Variants in VSIG10 observed in about 807,000 individuals in gnomAD.
VSIG10 encodes V-set and immunoglobulin domain-containing protein 10.
A neutral mutation model predicts 58.7 loss-of-function variants in VSIG10; 48 were observed. That is an observed-to-expected ratio of 0.82 (90% CI 0.65 to 1.04). VSIG10 has a LOEUF of 1.04. Ranked by LOEUF, VSIG10 falls within the 50% of genes least tolerant of loss-of-function variation. The probability of loss-of-function intolerance (pLI) is 0.00; values close to 1 mark genes in which losing one functional copy is unlikely to be tolerated. For missense variants in VSIG10, 628 were observed against 670.0 expected, an observed-to-expected ratio of 0.94 and a Z score of 0.69; for synonymous variants, 260 against 267.1, an observed-to-expected ratio of 0.97 and a Z score of 0.26.
At chr12:118,070,882 T>A (rs2032463206) in intron 7 of VSIG10, 170 bp downstream of exon 7, 1 of 771,510 alleles carries the variant, frequency 1.3e-6, no homozygotes, top group South Asian at 1.7e-5. Context: ...CCTGAGGAGA[T>A]GATGAAAGGG....
At chr12:118,080,016 TAGAGACA>T (rs1170329338) in intron 3 of VSIG10, among the ~76,000 whole-genome samples, 11 of 152,344 alleles carry the variant, frequency 7.2e-5, no homozygotes, top group Admixed American at 2.6e-4. Flanking sequence ...ATATTTTTAG[TAGAGACA>T]AGGTTTTGCC....
intron 2 of VSIG10, among the ~76,000 whole-genome samples, chr12:118,085,291 G>A (rs1032156096): frequency 6.6e-6 from 1 of 152,150 alleles, no homozygotes; most frequent in Admixed American, 6.6e-5. Context: ...TTGGACTGAA[G>A]GCCACATCAC....
chr12:118,096,235 C>G (rs891361245), intron 1 of VSIG10, among the ~76,000 whole-genome samples: 1 of 151,328 alleles, frequency 6.6e-6, no homozygotes, highest in African/African-American at 2.4e-5. Flanking sequence ...AAGGTCAAGA[C>G]ATCGAGACCA....
chr12:118,087,856 AGAG>A (rs1399142615), intron 2 of VSIG10, among the ~76,000 whole-genome samples: 1 of 95,660 alleles, frequency 1.0e-5, no homozygotes, highest in African/African-American at 3.1e-5. Context: ...AAAAAAAAAA[AGAG>A]AGAGAAGGAG....
Position 118,071,039 on chromosome 12 carries a change from A to AG in VSIG10, c.1346+12dup, listed in dbSNP as rs1365531889. 1 of 1,601,616 alleles carries AG rather than the reference A, an allele frequency of 6.2e-7. No homozygotes were observed. Among genetic ancestry groups the AG allele is most frequent in the South Asian group, 1.1e-5 (1 of 88,444 alleles). The stretch of plus-strand genomic sequence containing the variant: ...GGGAATGGGTGTTTGGTTTGATTCT[A>AG]GGGAACACTCACCTGGAAGTGTTTC... On this transcript the variant is annotated intron_variant, in intron 7 of 8. Coordinates refer to ENST00000359236, the MANE Select transcript of VSIG10 (RefSeq NM_019086.6).
At chr12:118,103,472 G>A in intron 1 of VSIG10, 121 bp downstream of exon 1, 1 of 1,035,358 alleles carries the variant, frequency 9.7e-7, no homozygotes, top group Non-Finnish European at 1.3e-6. Flanking sequence ...TCCTGGGGCA[G>A]CTTCTAGGCT....
At chr12:118,082,481 G>A (rs1415071916) in intron 2 of VSIG10, 52 bp from the exon 3 acceptor site, 6 of 1,530,084 alleles carry the variant, frequency 3.9e-6, no homozygotes, top group East Asian at 2.3e-5. Flanking sequence ...GAGCTCATTC[G>A]ATTGCCTTAC....
At chr12:118,068,317 G>C in intron 8 of VSIG10, 60 bp downstream of exon 8, 1 of 1,564,318 alleles carries the variant, frequency 6.4e-7, no homozygotes, top group Non-Finnish European at 8.7e-7. Context: ...TTATAGGCGT[G>C]AGCCAACGCG....
chr12:118,070,517 C>A (rs1252225830), intron 7 of VSIG10, among the ~76,000 whole-genome samples: 2 of 140,424 alleles, frequency 1.4e-5, no homozygotes, highest in Non-Finnish European at 3.0e-5. Context: ...CACTGCACTC[C>A]AGCCTGAGCA....
intron 2 of VSIG10, among the ~76,000 whole-genome samples, chr12:118,093,434 T>C (rs926725884): frequency 6.6e-6 from 1 of 151,512 alleles, no homozygotes; most frequent in African/African-American, 2.4e-5. Flanking sequence ...GGTTCCAAAC[T>C]CTTCGCTCAA....
chr12:118,091,716 C>G (rs1005573761), intron 2 of VSIG10, among the ~76,000 whole-genome samples: 8 of 152,158 alleles, frequency 5.3e-5, no homozygotes, highest in African/African-American at 1.9e-4. Context: ...GGATCCAGAA[C>G]AGTGATCACA....
intron 5 of VSIG10, among the ~76,000 whole-genome samples, chr12:118,073,098 G>A (rs543311828): frequency 3.3e-5 from 5 of 152,136 alleles, no homozygotes; most frequent in South Asian, 2.1e-4. Context: ...TCAGACTTCC[G>A]AGTAGCTGGG....
chr12:118,084,967 C>T (rs981754516), intron 2 of VSIG10, among the ~76,000 whole-genome samples: 2 of 152,154 alleles, frequency 1.3e-5, no homozygotes, highest in East Asian at 1.9e-4. Context: ...TGCAGTGAGC[C>T]GAGATCGCGC....
At chr12:118,089,884 A>G (rs2033242008) in intron 2 of VSIG10, among the ~76,000 whole-genome samples, 1 of 152,142 alleles carries the variant, frequency 6.6e-6, no homozygotes, top group South Asian at 2.1e-4. Flanking sequence ...CCGACTCTGT[A>G]TACCTTCAAT....
rs780583662 is a variant in VSIG10 at position 118,071,444 on chromosome 12, C to A, written c.1245G>T (p.Val415=). 6.2e-7 allele frequency: 1 copy of A among 1,613,932 alleles called. No individual in the cohort carries two copies. Among genetic ancestry groups the A allele is most frequent in the Non-Finnish European group, 8.5e-7 (1 of 1,179,864 alleles). The part of the protein sequence containing the change: ...VKEPLNIGGI[V]GTIVSLLLLG... ...GCAGAAGGAGGCTCACAATGGTTCC[C>A]ACAATCCCCCCGATATTTAAAGGTT... Residue 415 remains valine, a synonymous_variant, in exon 6 of 9, where the codon GTG becomes GTT. Transcript: ENST00000359236.
At chr12:118,077,476 A>C (rs945112827) in intron 4 of VSIG10, among the ~76,000 whole-genome samples, 1 of 151,930 alleles carries the variant, frequency 6.6e-6, no homozygotes, top group African/African-American at 2.4e-5. Context: ...TTCTACCCCC[A>C]TGCCACCCAG....
Position 118,065,479 on chromosome 12 carries a change from G to A in VSIG10, c.*1160C>T, listed in dbSNP as rs1010623865. The A allele has an allele frequency of 6.6e-6, 1 of 152,326 alleles. No homozygotes were observed. The highest frequency in any genetic ancestry group is 1.9e-4 in the East Asian group (1 of 5,184). The allele number at this position is 152,326 out of a possible 1,614,324, so 9.4% of individuals were successfully genotyped here. A position where few individuals can be genotyped will look rare whatever the true frequency, so the allele number is the denominator to read the frequency against. On this transcript the variant is annotated 3_prime_UTR_variant, in exon 9 of 9. Transcript: ENST00000359236. ...CAGGGAAATAAAACTGGTTAAGACAGTGCTCTGATATGCTTAGTTTAGTTC... is the reference window on the plus strand; with the variant it reads ...CAGGGAAATAAAACTGGTTAAGACAATGCTCTGATATGCTTAGTTTAGTTC...
intron 1 of VSIG10, among the ~76,000 whole-genome samples, chr12:118,098,700 C>G (rs1318555484): frequency 6.6e-6 from 1 of 152,010 alleles, no homozygotes; most frequent in Non-Finnish European, 1.5e-5. Context: ...ATCTGATGGA[C>G]AAGTAGGAAT....
chr12:118,072,373 G>A lies in VSIG10; in HGVS notation c.1220-904C>T, dbSNP rs575850256. ...CCAGCTACTTGGGAGGCTGAGGCAGGAGAATGGCATGAACCCAGGAGGTGG... is the reference window on the plus strand; with the variant it reads ...CCAGCTACTTGGGAGGCTGAGGCAGAAGAATGGCATGAACCCAGGAGGTGG... On this transcript the variant is annotated intron_variant, in intron 5 of 8. Coordinates refer to ENST00000359236, the MANE Select transcript of VSIG10 (RefSeq NM_019086.6). Among the ~76,000 whole-genome samples, 528 of 151,718 alleles carry A rather than the reference G, an allele frequency of 3.5e-3. 4 individuals carry two copies. Among genetic ancestry groups the A allele is most frequent in the African/African-American group, 0.012 (504 of 41,402 alleles).
Sources: gnomAD v4.1 joint callset for allele counts (sites outside exome capture counted in the v4.1 genomes callset) on GRCh38, gnomAD v4.1.1 for gene constraint, MANE v1.5 for transcripts, NCBI Gene and HGNC (gene_info 2026-07-23, HGNC 2026-07-21) for gene names.